CFAP43: variants seen among roughly 807,000 people sequenced by gnomAD.
CFAP43 encodes cilia and flagella associated protein 43.
CFAP43 carries 155 observed loss-of-function variants against 218.9 expected under a neutral mutation model. The observed-to-expected ratio is 0.71, with a 90% CI of 0.62 to 0.81. The LOEUF is 0.81. Among genes scored for constraint, CFAP43 ranks in the 30% least tolerant of loss-of-function variants. The probability of loss-of-function intolerance (pLI) is 0.00; values close to 1 mark genes in which losing one functional copy is unlikely to be tolerated. For missense variants in CFAP43, 1,778 were observed against 1,954.3 expected (o/e 0.91, Z 1.70); for synonymous variants, 645 against 681.3 (o/e 0.95, Z 0.83).
Position 104,214,262 on chromosome 10 carries a change from G to C in CFAP43, c.581C>G (p.Ala194Gly), listed in dbSNP as rs780891574. ...CTGTTGTAACAAAGGCTCCTACCTTGCTCTGAAACAATGCTCCTGGTTACT... is the reference window on the plus strand; with the variant it reads ...CTGTTGTAACAAAGGCTCCTACCTTCCTCTGAAACAATGCTCCTGGTTACT... ...ERSNQEHCFRARSVKLPLEDG... is the reference protein window; with the variant it reads ...ERSNQEHCFRGRSVKLPLEDG... The change falls in exon 4 of 38, where the codon GCA becomes GGA. Residue 194 changes from alanine to glycine, a missense_variant. Physicochemically the swap from Ala to Gly is moderately conservative, Grantham distance 60 (BLOSUM62 0). Transcript: ENST00000357060. The C allele has an allele frequency of 1.3e-6, 2 of 1,587,808 alleles. No individual in the cohort carries two copies. The highest frequency in any genetic ancestry group is 8.6e-7 in the Non-Finnish European group (1 of 1,167,882).
At chr10:104,207,034 C>T (rs1218971929) in intron 6 of CFAP43, among the ~76,000 whole-genome samples, 2 of 151,864 alleles carry the variant, frequency 1.3e-5, no homozygotes, top group Non-Finnish European at 2.9e-5. Context: ...ATTAGCCAGG[C>T]GTGGTAGTGT....
chr10:104,168,989 C>T, intron 20 of CFAP43, 141 bp from the exon 21 acceptor site: 1 of 655,608 alleles, frequency 1.5e-6, no homozygotes, highest in South Asian at 1.8e-5. Context: ...TTTGAGCCAC[C>T]TTGCACTGAG....
intron 10 of CFAP43, among the ~76,000 whole-genome samples, 183 bp downstream of exon 10, chr10:104,196,670 G>A (rs1266376193): frequency 6.6e-6 from 1 of 152,182 alleles, no homozygotes; most frequent in Non-Finnish European, 1.5e-5. Flanking sequence ...TGTATGCTAT[G>A]GTTCCACTCT....
In CFAP43 at chr10:104,207,834, G is replaced by A; in HGVS notation, c.736-10C>T. ...ATAGATCATCTTTCGGCTTCAGGGA[G>A]AGAATAAAACCTTGTGTTAAGAAAA... is the stretch of plus-strand genomic sequence containing the variant. On this transcript the variant is annotated splice_polypyrimidine_tract_variant and intron_variant, in intron 5 of 37. Transcript: ENST00000357060. 5 of 1,608,592 alleles carry A rather than the reference G, an allele frequency of 3.1e-6. No homozygotes were observed. The highest frequency in any genetic ancestry group is 4.2e-6 in the Non-Finnish European group (5 of 1,178,106).
chr10:104,149,632 T>C (rs1001759120), intron 28 of CFAP43, among the ~76,000 whole-genome samples: 2 of 152,208 alleles, frequency 1.3e-5, no homozygotes, highest in Non-Finnish European at 2.9e-5. Flanking sequence ...TCTTTGAATC[T>C]TAAATTGTCT....
At chr10:104,182,288 AG>A in intron 17 of CFAP43, 77 bp downstream of exon 17, 2 of 1,430,324 alleles carry the variant, frequency 1.4e-6, no homozygotes, top group Non-Finnish European at 1.9e-6. Context: ...ATCTGCTTAA[AG>A]AAAACCACAA....
intron 3 of CFAP43, among the ~76,000 whole-genome samples, chr10:104,222,680 G>A (rs1420028437): frequency 6.6e-6 from 1 of 152,190 alleles, no homozygotes; most frequent in Admixed American, 6.5e-5. Context: ...TCTAGGGGAA[G>A]GGTTGGGACC....
Position 104,192,250 on chromosome 10 carries a change from A to C in CFAP43, c.1495T>G (p.Phe499Val). 6.2e-7 allele frequency: 1 copy of C among 1,613,276 alleles called. No homozygotes were observed. Among genetic ancestry groups the C allele is most frequent in the Non-Finnish European group, 8.5e-7 (1 of 1,179,780 alleles). Residue 499 changes from phenylalanine (F) to valine (V), a missense_variant, in exon 12 of 38, where the codon TTT (phenylalanine) becomes GTT (valine). By Grantham distance (50) the Phe-to-Val change is conservative. This residue lies in a region of CFAP43 where 1,553 missense variants were observed against 1,685.2 expected (regional missense o/e 0.92). Coordinates refer to ENST00000357060, the MANE Select transcript of CFAP43 (RefSeq NM_025145.7). ...LLVGTAEGKV[F>V]IINANSSSSF... ...CTTGAGGAGTTGGCATTGATAATAA[A>C]GACTTTTCCTTCTGCTGTTCCAACT...
chr10:104,171,879 G>C (rs1479212170), intron 20 of CFAP43, among the ~76,000 whole-genome samples: 4 of 152,168 alleles, frequency 2.6e-5, no homozygotes, highest in Non-Finnish European at 4.4e-5. Flanking sequence ...AGAGGAAAAC[G>C]GCATGATGAT....
intron 3 of CFAP43, among the ~76,000 whole-genome samples, chr10:104,224,990 G>A (rs1222971237): frequency 1.3e-5 from 2 of 152,100 alleles, no homozygotes; most frequent in Admixed American, 6.5e-5. Context: ...CTAGAAATGT[G>A]TCTTAACCAC....
intron 31 of CFAP43, 42 bp from the exon 32 acceptor site, chr10:104,143,681 A>C (rs758377780): frequency 1.3e-6 from 2 of 1,586,004 alleles, no homozygotes; most frequent in Non-Finnish European, 1.7e-6. Flanking sequence ...TCACATTCTC[A>C]TAAAAACATC....
chr10:104,178,940 T>C, intron 19 of CFAP43, 89 bp downstream of exon 19: 4 of 917,560 alleles, frequency 4.4e-6, no homozygotes, highest in South Asian at 1.9e-5. Flanking sequence ...AAGGGAGGTA[T>C]AGTTCCTCAG....
Position 104,212,065 on chromosome 10 carries a change from G to A in CFAP43, c.677C>T (p.Pro226Leu), listed in dbSNP as rs1436791860. 6.2e-7 allele frequency: 1 copy of A among 1,613,720 alleles called. No individual in the cohort carries two copies. The highest frequency in any genetic ancestry group is 1.7e-5 in the Admixed American group (1 of 59,972). The change falls in exon 5 of 38, where the codon CCC (proline) becomes CTC (leucine). Residue 226 changes from proline to leucine, a missense_variant. Physicochemically the swap from Pro to Leu is moderately conservative, Grantham distance 98. This residue lies in a region of CFAP43 where 1,553 missense variants were observed against 1,685.2 expected (regional missense o/e 0.92). Coordinates refer to ENST00000357060, the MANE Select transcript of CFAP43 (RefSeq NM_025145.7). ...GGCAATGGCTGACAGTGGCAGCACG[G>A]GACCATAGATGAGATCTTTCGGCAA... The part of the protein sequence containing the change: ...QSLPKDLIYG[P>L]VLPLSAIAGL...
rs748806816 is a variant in CFAP43, at chr10:104,167,730, T to G, written c.2699A>C (p.His900Pro). 1.2e-6 allele frequency: 2 copies of G among 1,603,244 alleles called. No individual in the cohort carries two copies. Among genetic ancestry groups the G allele is most frequent in the Non-Finnish European group, 1.7e-6 (2 of 1,176,790 alleles). The change falls in exon 22 of 38, where the codon CAT (histidine) becomes CCT (proline). Residue 900 changes from histidine (H) to proline (P), a missense_variant. By Grantham distance (77) the His-to-Pro change is moderately conservative. Transcript: ENST00000357060. The part of the protein sequence containing the change: ...AVKGRALKCF[H>P]IPCVVENFPM... ...GAAGTTTTCAACCACACAGGGGATA[T>G]GAAAACACTTGGGGAAAAAAACGCA...
chr10:104,146,204 C>G, intron 30 of CFAP43, 59 bp downstream of exon 30: 4 of 1,408,324 alleles, frequency 2.8e-6, no homozygotes, highest in Non-Finnish European at 4.0e-6. Context: ...TAACCTTCCT[C>G]CAATCCAGGC....
chr10:104,164,327 C>T (rs372681172), intron 23 of CFAP43, 27 bp from the exon 24 acceptor site: 5 of 1,437,908 alleles, frequency 3.5e-6, no homozygotes, highest in Non-Finnish European at 4.8e-6. Flanking sequence ...TTACTGAAAA[C>T]ACATCACATA....
chr10:104,225,170 T>A (rs1407678576), intron 3 of CFAP43, among the ~76,000 whole-genome samples: 2 of 152,084 alleles, frequency 1.3e-5, no homozygotes, highest in African/African-American at 4.8e-5. Context: ...CCATTTGTTT[T>A]TTTTAAGTGA....
intron 27 of CFAP43, 108 bp downstream of exon 27, chr10:104,160,929 C>T (rs2088835447): frequency 1.1e-5 from 12 of 1,085,766 alleles, no homozygotes; most frequent in East Asian, 2.6e-5. Context: ...TAAGCTGAAA[C>T]ACTGTCCTTA....
At position 104,192,307 on chromosome 10, in the gene CFAP43, A is replaced by T; in HGVS notation, c.1443-5T>A. Reference sequence around the variant, plus strand: ...AATATTCCTTGCTGATCATAACTAGAAAAGAAGAAATCTGATGATCAAATC... The same window carrying T: ...AATATTCCTTGCTGATCATAACTAGTAAAGAAGAAATCTGATGATCAAATC... On this transcript the variant is annotated splice_region_variant and splice_polypyrimidine_tract_variant and intron_variant, in intron 11 of 37. Transcript: ENST00000357060. 1 of 1,600,778 alleles carries T rather than the reference A, an allele frequency of 6.2e-7. No individual in the cohort carries two copies. The highest frequency in any genetic ancestry group is 8.6e-7 in the Non-Finnish European group (1 of 1,169,440).
Sources: gnomAD v4.1 joint callset for allele counts (sites outside exome capture counted in the v4.1 genomes callset) on GRCh38, gnomAD v4.1.1 for gene constraint, gnomAD v4.1.1 regional missense constraint, MANE v1.5 for transcripts, NCBI Gene and HGNC (gene_info 2026-07-23, HGNC 2026-07-21) for gene names.